SGCZ: variants seen among roughly 807,000 people sequenced by gnomAD.
The protein encoded by SGCZ is sarcoglycan zeta, also known as zeta-sarcoglycan.
SGCZ carries 40 observed loss-of-function variants against 41.3 expected under a neutral mutation model. The observed-to-expected ratio is 0.97, with a 90% CI of 0.75 to 1.26. SGCZ has a LOEUF of 1.26. Ranked by LOEUF, SGCZ falls within the 50% of genes most tolerant of loss-of-function variation. SGCZ has a pLI of 0.00. For missense variants in SGCZ, 552 were observed against 369.8 expected, an observed-to-expected ratio of 1.49 and a Z score of -4.04; for synonymous variants, 206 against 137.5, an observed-to-expected ratio of 1.50 and a Z score of -3.49.
chr8:15,214,218 T>C (rs1341577006), intron 1 of SGCZ, among the ~76,000 whole-genome samples: 2 of 152,064 alleles, frequency 1.3e-5, no homozygotes, highest in African/African-American at 4.8e-5. Flanking sequence ...TATAAAATTA[T>C]TTTCTTTTTT....
intron 1 of SGCZ, among the ~76,000 whole-genome samples, chr8:14,590,577 G>C (rs1805208323): frequency 6.7e-6 from 1 of 150,174 alleles, no homozygotes; most frequent in Non-Finnish European, 1.5e-5. Context: ...AATTCAAATA[G>C]TGGACTAGAG....
At chr8:15,222,203 C>G (rs763210190) in intron 1 of SGCZ, among the ~76,000 whole-genome samples, 7 of 151,980 alleles carry the variant, frequency 4.6e-5, no homozygotes, top group Non-Finnish European at 1.0e-4. Context: ...AAAGTATTTG[C>G]CTTAAAATAT....
At chr8:15,168,704 G>A (rs1007876843) in intron 1 of SGCZ, among the ~76,000 whole-genome samples, 3 of 152,178 alleles carry the variant, frequency 2.0e-5, no homozygotes, top group Non-Finnish European at 4.4e-5. Flanking sequence ...AATGCATCCT[G>A]AACCCCTGGG....
chr8:14,665,015 C>T (rs1326073416), intron 1 of SGCZ, among the ~76,000 whole-genome samples: 3 of 152,094 alleles, frequency 2.0e-5, no homozygotes, highest in African/African-American at 7.2e-5. Flanking sequence ...GGCATTAAAA[C>T]TCTTTTTTAA....
chr8:14,718,385 A>G (rs1563222799), intron 1 of SGCZ, among the ~76,000 whole-genome samples: 2 of 152,130 alleles, frequency 1.3e-5, no homozygotes, highest in Non-Finnish European at 2.9e-5. Flanking sequence ...CACTAAAAAA[A>G]AGAGAGAAAC....
At chr8:14,606,611 T>G (rs1476047320) in intron 1 of SGCZ, among the ~76,000 whole-genome samples, 1 of 152,214 alleles carries the variant, frequency 6.6e-6, no homozygotes, top group African/African-American at 2.4e-5. Flanking sequence ...TGTCATATCA[T>G]TCTTTGAGAA....
intron 3 of SGCZ, among the ~76,000 whole-genome samples, chr8:14,306,635 A>G (rs906913134): frequency 6.6e-6 from 1 of 152,196 alleles, no homozygotes; most frequent in African/African-American, 2.4e-5. Flanking sequence ...GGCAAATCAC[A>G]GATACATGAG....
At chr8:14,985,447 T>G (rs1322151367) in intron 1 of SGCZ, among the ~76,000 whole-genome samples, 1 of 152,140 alleles carries the variant, frequency 6.6e-6, no homozygotes, top group African/African-American at 2.4e-5. Context: ...TCAGGCAACT[T>G]TCCACTAAGA....
chr8:14,544,981 T>G (rs945078589), intron 2 of SGCZ, among the ~76,000 whole-genome samples: 1 of 152,154 alleles, frequency 6.6e-6, no homozygotes, highest in Non-Finnish European at 1.5e-5. Flanking sequence ...TCTTCCCTTT[T>G]GAAACCTTTA....
At chr8:14,646,451 G>A (rs938332581) in intron 1 of SGCZ, among the ~76,000 whole-genome samples, 4 of 151,822 alleles carry the variant, frequency 2.6e-5, no homozygotes, top group Admixed American at 2.0e-4. Flanking sequence ...CCAACCCACT[G>A]TTGATGGGCA....
At chr8:14,187,894 T>A (rs1025824255) in intron 4 of SGCZ, among the ~76,000 whole-genome samples, 6 of 151,932 alleles carry the variant, frequency 3.9e-5, no homozygotes, top group African/African-American at 1.5e-4. Flanking sequence ...TGCATCATAA[T>A]AAAAATGATG....
In SGCZ at chr8:15,083,042, T is replaced by G. The variant is rs1003508497; in HGVS notation, c.39+154543A>C. Among the ~76,000 whole-genome samples the G allele has an allele frequency of 3.9e-5, 6 of 152,194 alleles. No homozygotes were observed. In the East Asian group the frequency reaches 1.2e-3, roughly 29 times the overall value. On this transcript the variant is annotated intron_variant, in intron 1 of 7. Coordinates refer to ENST00000382080, the MANE Select transcript of SGCZ (RefSeq NM_139167.4). ...GCATGAAAACAGGAATGCTCATGTA[T>G]CTATAGCTTATGAACTAATAGTCGT...
intron 1 of SGCZ, among the ~76,000 whole-genome samples, chr8:14,584,497 T>C (rs1175082144): frequency 6.6e-6 from 1 of 152,154 alleles, no homozygotes; most frequent in Non-Finnish European, 1.5e-5. Flanking sequence ...ATGCCATTAA[T>C]GTATTGTGAG....
In SGCZ at chr8:14,595,956, G is replaced by C. The variant is rs151208433; in HGVS notation, c.40-41030C>G. On this transcript the variant is annotated intron_variant, in intron 1 of 7. Coordinates refer to ENST00000382080, the MANE Select transcript of SGCZ (RefSeq NM_139167.4). Reference sequence around the variant, plus strand: ...AAAAATAACAGACCTATTTAAAATGGATGGAAAATGCATGTTTAAGAAGAC... The same window carrying C: ...AAAAATAACAGACCTATTTAAAATGCATGGAAAATGCATGTTTAAGAAGAC... Among the ~76,000 whole-genome samples the C allele has an allele frequency of 2.6e-3, 391 of 152,292 alleles. 4 individuals carry two copies. Among genetic ancestry groups the C allele is most frequent in the African/African-American group, 4.8e-3 (201 of 41,558 alleles).
chr8:14,273,018 G>C (rs1294304475), intron 3 of SGCZ, among the ~76,000 whole-genome samples: 3 of 151,862 alleles, frequency 2.0e-5, no homozygotes, highest in Non-Finnish European at 2.9e-5. Flanking sequence ...AACAAATTAA[G>C]TGAAATTTCT....
intron 1 of SGCZ, among the ~76,000 whole-genome samples, chr8:14,860,033 A>G (rs1379936444): frequency 6.6e-6 from 1 of 152,184 alleles, no homozygotes; most frequent in Non-Finnish European, 1.5e-5. Flanking sequence ...ATAAGAATCA[A>G]GGAATCAGCG....
intron 2 of SGCZ, among the ~76,000 whole-genome samples, chr8:14,501,615 T>C (rs1226527124): frequency 6.6e-6 from 1 of 151,562 alleles, no homozygotes; most frequent in Non-Finnish European, 1.5e-5. Context: ...ATCCAGGTTT[T>C]TTTTTTTTTC....
intron 1 of SGCZ, among the ~76,000 whole-genome samples, chr8:14,777,221 A>G (rs918421430): frequency 1.3e-5 from 2 of 152,226 alleles, no homozygotes; most frequent in Non-Finnish European, 2.9e-5. Flanking sequence ...AACTTTCATC[A>G]TGACGACTTG....
chr8:14,663,658 ACTTTTATTTTTTTCAC>A (rs1414874078), intron 1 of SGCZ, among the ~76,000 whole-genome samples: 1 of 152,160 alleles, frequency 6.6e-6, no homozygotes, highest in African/African-American at 2.4e-5. Flanking sequence ...AAAATGAGCT[ACTTTTATTTTTTTCAC>A]AGGCTTATAG....
Sources: allele counts gnomAD v4.1 joint callset (sites outside exome capture counted in the v4.1 genomes callset), GRCh38; gene constraint gnomAD v4.1.1; transcripts MANE v1.5; gene names NCBI Gene and HGNC (gene_info 2026-07-23, HGNC 2026-07-21).